Variants in FNDC3B observed in about 807,000 individuals in gnomAD.
FNDC3B encodes fibronectin type III domain-containing protein 3B.
In FNDC3B, 12 loss-of-function variants were observed where a neutral mutation model predicts 151.5. The observed-to-expected ratio is 0.08, with a 90% CI of 0.05 to 0.13. The LOEUF is 0.13. Ranked by LOEUF, FNDC3B falls within the 10% of genes least tolerant of loss-of-function variation. FNDC3B has a pLI of 1.00. For synonymous variants in FNDC3B, 528 were observed against 549.0 expected (o/e 0.96, Z 0.54); for missense variants, 1,214 against 1,505.3 (o/e 0.81, Z 3.20).
chr3:172,290,462 AG>A (rs1560060327), intron 7 of FNDC3B, among the ~76,000 whole-genome samples: 1 of 152,120 alleles, frequency 6.6e-6, no homozygotes, highest in Non-Finnish European at 1.5e-5. Flanking sequence ...CTTAGGAATT[AG>A]CCAGCCATCT....
At chr3:172,116,658 C>T (rs1353795120) in intron 2 of FNDC3B, among the ~76,000 whole-genome samples, 2 of 152,114 alleles carry the variant, frequency 1.3e-5, no homozygotes, top group East Asian at 1.9e-4. Context: ...ATCCACCTTC[C>T]GGGTTCAAGC....
intron 3 of FNDC3B, among the ~76,000 whole-genome samples, chr3:172,181,899 C>T (rs138598870): frequency 2.0e-5 from 3 of 147,770 alleles, no homozygotes; most frequent in Non-Finnish European, 4.5e-5. Context: ...GAGTGGATTT[C>T]ATTATGTAGT....
At chr3:172,157,416 A>G (rs1383013048) in intron 3 of FNDC3B, among the ~76,000 whole-genome samples, 2 of 152,190 alleles carry the variant, frequency 1.3e-5, no homozygotes, top group Non-Finnish European at 2.9e-5. Flanking sequence ...ACTATATTTT[A>G]ATATAAAAAT....
At chr3:172,362,934 T>A in intron 23 of FNDC3B, 89 bp downstream of exon 23, 1 of 996,924 alleles carries the variant, frequency 1.0e-6, no homozygotes, top group Non-Finnish European at 1.5e-6. Context: ...TTGCTTGCAC[T>A]AAGACCCTCT....
At chr3:172,089,282 A>G (rs1028348121) in intron 1 of FNDC3B, among the ~76,000 whole-genome samples, 7 of 152,166 alleles carry the variant, frequency 4.6e-5, no homozygotes, top group Admixed American at 4.6e-4. Context: ...ACATCTTTTA[A>G]AATGTGTGTT....
intron 9 of FNDC3B, among the ~76,000 whole-genome samples, chr3:172,305,052 A>G (rs17521583): frequency 0.23 from 35,493 of 152,126 alleles, 4,344 homozygotes; most frequent in South Asian, 0.41. Context: ...AGTCAGAAGT[A>G]GATAGTAGTT....
At chr3:172,115,191 G>A (rs1056209575) in intron 2 of FNDC3B, among the ~76,000 whole-genome samples, 4 of 152,168 alleles carry the variant, frequency 2.6e-5, no homozygotes, top group Admixed American at 2.6e-4. Flanking sequence ...TCAAGCCTCA[G>A]TTCTTTCCTT....
rs1248168846 is a variant in FNDC3B, at chr3:172,172,510, G to GGAAT, written c.187+38965_187+38968dup. Among the ~76,000 whole-genome samples, 3 of 152,244 alleles carry GGAAT rather than the reference G, an allele frequency of 2.0e-5. No homozygotes were observed. The East Asian group carries it at 5.8e-4, about 29-fold the overall frequency. On this transcript the variant is annotated intron_variant, in intron 3 of 25. Coordinates refer to ENST00000415807, the MANE Select transcript of FNDC3B (RefSeq NM_022763.4). ...CTTTTTTGTTGTCATTGTTCCTGGG[G>GGAAT]GAATATGTTTCCTGGGGGAAGGAGC...
intron 3 of FNDC3B, among the ~76,000 whole-genome samples, chr3:172,144,162 G>A (rs922122540): frequency 1.3e-5 from 2 of 152,046 alleles, no homozygotes; most frequent in Non-Finnish European, 1.5e-5. Context: ...GTCACATGGC[G>A]AGAGGAGGAG....
chr3:172,268,613 C>T (rs556591067), intron 6 of FNDC3B, among the ~76,000 whole-genome samples: 7 of 152,296 alleles, frequency 4.6e-5, no homozygotes, highest in South Asian at 4.1e-4. Flanking sequence ...CTCCGTGTAG[C>T]CAGGCTCAAG....
rs574802060 is a variant in FNDC3B, at chr3:172,307,164, C to A, written c.1062-199C>A. On this transcript the variant is annotated intron_variant, in intron 9 of 25. Coordinates refer to ENST00000415807, the MANE Select transcript of FNDC3B (RefSeq NM_022763.4). Reference sequence around the variant, plus strand: ...TGGAGCTGGGTGGCACACACTGAGACAAATACCTGTTGGGATGACTGTCCC... The same window carrying A: ...TGGAGCTGGGTGGCACACACTGAGAAAAATACCTGTTGGGATGACTGTCCC... 9.7e-5 allele frequency: 55 copies of A among 569,514 alleles called. No individual in the cohort carries two copies. In the African/African-American group the frequency reaches 9.9e-4, roughly 10 times the overall value. The allele number at this position is 569,514 out of a possible 1,614,324, so 35.3% of individuals were successfully genotyped here. A position where few individuals can be genotyped will look rare whatever the true frequency, so the allele number is the denominator to read the frequency against.
At chr3:172,145,258 TAAG>T (rs925305087) in intron 3 of FNDC3B, among the ~76,000 whole-genome samples, 11 of 152,254 alleles carry the variant, frequency 7.2e-5, no homozygotes, top group African/African-American at 2.6e-4. Context: ...TCCAAATTGA[TAAG>T]AAGAGGAGGG....
intron 1 of FNDC3B, among the ~76,000 whole-genome samples, chr3:172,098,741 C>CG (rs941640366): frequency 1.6e-4 from 24 of 151,996 alleles, no homozygotes; most frequent in South Asian, 4.1e-4. Flanking sequence ...GGGAAGAACT[C>CG]GGGGGAATGG....
intron 2 of FNDC3B, among the ~76,000 whole-genome samples, chr3:172,129,357 C>T (rs963367748): frequency 1.3e-5 from 2 of 152,186 alleles, no homozygotes; most frequent in Non-Finnish European, 2.9e-5. Flanking sequence ...ATAAATTAGA[C>T]ATTTGCCTCC....
At chr3:172,208,542 T>C (rs1173680701) in intron 3 of FNDC3B, among the ~76,000 whole-genome samples, 1 of 152,218 alleles carries the variant, frequency 6.6e-6, no homozygotes, top group East Asian at 1.9e-4. Flanking sequence ...TCGTTGTACA[T>C]ATTGTTGGAG....
intron 1 of FNDC3B, among the ~76,000 whole-genome samples, chr3:172,042,472 G>A (rs1394325125): frequency 1.3e-5 from 2 of 152,234 alleles, no homozygotes; most frequent in Non-Finnish European, 2.9e-5. Context: ...GGAAGGGAAA[G>A]TGACTTGTTG....
chr3:172,174,701 C>T (rs184626146), intron 3 of FNDC3B, among the ~76,000 whole-genome samples: 2 of 151,674 alleles, frequency 1.3e-5, no homozygotes, highest in Non-Finnish European at 2.9e-5. Context: ...ATTGGGAGGG[C>T]GACAGCAAAG....
chr3:172,295,223 G>T (rs1730543817), intron 7 of FNDC3B, 140 bp from the exon 8 acceptor site: 1 of 719,474 alleles, frequency 1.4e-6, no homozygotes, highest in Non-Finnish European at 2.2e-6. Flanking sequence ...CTTTGAAAGA[G>T]AGCACCATAT....
intron 1 of FNDC3B, among the ~76,000 whole-genome samples, chr3:172,083,264 C>T (rs1718371777): frequency 1.3e-5 from 2 of 152,200 alleles, no homozygotes; most frequent in African/African-American, 2.4e-5. Context: ...ATGCTTAGGG[C>T]TTACTGGCAT....
Sources: gnomAD v4.1 joint callset for allele counts (sites outside exome capture counted in the v4.1 genomes callset) on GRCh38, gnomAD v4.1.1 for gene constraint, MANE v1.5 for transcripts, NCBI Gene and HGNC (gene_info 2026-07-23, HGNC 2026-07-21) for gene names.